Variants in TNFRSF11A observed in about 807,000 individuals in gnomAD.
TNFRSF11A encodes the protein TNF receptor superfamily member 11a, also known as tumor necrosis factor receptor superfamily member 11A.
A neutral mutation model predicts 55.7 loss-of-function variants in TNFRSF11A; 32 were observed. The ratio of observed to expected loss-of-function variants is 0.57; its 90% CI spans 0.43 to 0.77. The LOEUF (loss-of-function observed/expected upper bound fraction) is 0.77. TNFRSF11A is among the 30% of genes least tolerant of loss of function. The pLI is 0.00. For synonymous variants in TNFRSF11A, 311 were observed against 331.0 expected (o/e 0.94, Z 0.65); for missense variants, 753 against 809.8 (o/e 0.93, Z 0.85).
chr18:62,366,288 G>T (rs567160682), intron 7 of TNFRSF11A, among the ~76,000 whole-genome samples: 2 of 152,210 alleles, frequency 1.3e-5, no homozygotes, highest in Non-Finnish European at 2.9e-5. Flanking sequence ...ACTTATATGT[G>T]TAGTGTTCCC....
chr18:62,331,857 C>G (rs1288457370), intron 1 of TNFRSF11A, among the ~76,000 whole-genome samples: 1 of 152,186 alleles, frequency 6.6e-6, no homozygotes, highest in Non-Finnish European at 1.5e-5. Flanking sequence ...TCTTAGACTT[C>G]CCCATACCCC....
At chr18:62,368,520 A>G (rs1051470553) in intron 8 of TNFRSF11A, among the ~76,000 whole-genome samples, 181 bp from the exon 9 acceptor site, 3 of 152,236 alleles carry the variant, frequency 2.0e-5, no homozygotes, top group African/African-American at 7.2e-5. Context: ...GTTGTATTCC[A>G]TTCTAGAGTT....
intron 9 of TNFRSF11A, among the ~76,000 whole-genome samples, chr18:62,382,521 T>G (rs1160315001): frequency 6.6e-6 from 1 of 152,202 alleles, no homozygotes; most frequent in Non-Finnish European, 1.5e-5. Flanking sequence ...TGGAGTTTTA[T>G]TATTTCCTTT....
chr18:62,368,685 GA>G lies in TNFRSF11A; in HGVS notation c.784-14del, dbSNP rs1264165669. ...CTAGGTATTAATGCCTCTGCCTTCT[GA>G]ATGTAAATCGGCAGGAGTCCTCAGG... On this transcript the variant is annotated splice_polypyrimidine_tract_variant and intron_variant, in intron 8 of 9. Transcript: ENST00000586569. 2 of 1,614,056 alleles carry G rather than the reference GA, an allele frequency of 1.2e-6. No homozygotes were observed. Among genetic ancestry groups the G allele is most frequent in the African/African-American group, 2.7e-5 (2 of 74,930 alleles).
chr18:62,380,940 C>T (rs1670419373), intron 9 of TNFRSF11A, among the ~76,000 whole-genome samples: 1 of 151,868 alleles, frequency 6.6e-6, no homozygotes, highest in Admixed American at 6.6e-5. Flanking sequence ...GTAGCTGTGA[C>T]TACAAGCGTG....
At chr18:62,378,240 G>A (rs1292738950) in intron 9 of TNFRSF11A, 1 of 152,228 alleles carries the variant, frequency 6.6e-6, no homozygotes, top group East Asian at 1.9e-4. Flanking sequence ...GTATCTATTA[G>A]ATAAGGATAT....
intron 8 of TNFRSF11A, 103 bp from the exon 9 acceptor site, chr18:62,368,598 G>A (rs1568489695): frequency 8.3e-7 from 1 of 1,204,244 alleles, no homozygotes; most frequent in African/African-American, 1.5e-5. Context: ...ACTTGTTATG[G>A]TGGAAATAAT....
At chr18:62,357,880 A>G (rs1909378929) in intron 4 of TNFRSF11A, 1 of 298,962 alleles carries the variant, frequency 3.3e-6, no homozygotes, top group South Asian at 3.5e-5. Flanking sequence ...AGCAGTCAAC[A>G]TCGGCTCCCA....
At chr18:62,366,186 C>T (rs1910073561) in intron 7 of TNFRSF11A, among the ~76,000 whole-genome samples, 1 of 152,180 alleles carries the variant, frequency 6.6e-6, no homozygotes. Flanking sequence ...CACTGAAAGA[C>T]TTGCGGTGGA....
intron 9 of TNFRSF11A, among the ~76,000 whole-genome samples, chr18:62,372,420 G>A (rs1910615354): frequency 6.6e-6 from 1 of 151,764 alleles, no homozygotes; most frequent in Non-Finnish European, 1.5e-5. Context: ...CTTGGTTTTG[G>A]CTCCTGAAGC....
intron 9 of TNFRSF11A, among the ~76,000 whole-genome samples, chr18:62,370,485 T>C (rs780903352): frequency 8.5e-5 from 13 of 152,230 alleles, no homozygotes; most frequent in Non-Finnish European, 1.6e-4. Flanking sequence ...CAAGTGGTGC[T>C]AGCAGCCGGT....
chr18:62,350,450 G>A (rs543628561), intron 3 of TNFRSF11A, among the ~76,000 whole-genome samples: 261 of 152,074 alleles, frequency 1.7e-3, no homozygotes, highest in Middle Eastern at 3.4e-3. Flanking sequence ...CCCCCACCAC[G>A]CCCAGCTAAT....
chr18:62,338,522 G>A (rs1035379193), intron 1 of TNFRSF11A, among the ~76,000 whole-genome samples: 1 of 152,190 alleles, frequency 6.6e-6, no homozygotes, highest in Admixed American at 6.5e-5. Flanking sequence ...AATACAATAT[G>A]GATGAACCTT....
intron 7 of TNFRSF11A, among the ~76,000 whole-genome samples, chr18:62,365,605 C>G (rs969635831): frequency 6.6e-6 from 1 of 152,102 alleles, no homozygotes; most frequent in Non-Finnish European, 1.5e-5. Context: ...TCTATGATGT[C>G]TAACTTAGTC....
At chr18:62,341,207 A>G (rs1490379689) in intron 1 of TNFRSF11A, among the ~76,000 whole-genome samples, 1 of 152,226 alleles carries the variant, frequency 6.6e-6, no homozygotes, top group Admixed American at 6.5e-5. Context: ...CTGAACCCCC[A>G]GACAGAAAAG....
At position 62,333,538 on chromosome 18, in the gene TNFRSF11A, A is replaced by T. The variant is rs1225213506; in HGVS notation, c.75+8111A>T. ...GCCAGGCATGTACTTTACACGGATT[A>T]TATCTAATGCTCACTCCACCTTGCT... On this transcript the variant is annotated intron_variant, in intron 1 of 9. Coordinates refer to ENST00000586569, the MANE Select transcript of TNFRSF11A (RefSeq NM_003839.4). 4.6e-5 allele frequency among the ~76,000 whole-genome samples: 7 copies of T among 152,302 alleles called. No individual in the cohort carries two copies. The South Asian group carries it at 1.2e-3, about 27-fold the overall frequency.
chr18:62,325,473 T>G lies in TNFRSF11A; in HGVS notation c.75+46T>G. On this transcript the variant is annotated intron_variant, in intron 1 of 9. Transcript: ENST00000586569. The surrounding 1 kb of genome is among the most constrained non-coding windows in gnomAD (Gnocchi z 4.7). ...CCGGGCCGCGCGGCCCGACGCCTCC[T>G]CGGGAGCCCCGGGAAGGGCCGGGGC... 1 of 1,172,170 alleles carries G rather than the reference T, an allele frequency of 8.5e-7. No homozygotes were observed. The highest frequency in any genetic ancestry group is 1.7e-5 in the African/African-American group (1 of 60,144). The allele number at this position is 1,172,170 out of a possible 1,614,324, so 72.6% of individuals were successfully genotyped here. A position where few individuals can be genotyped will look rare whatever the true frequency, so the allele number is the denominator to read the frequency against.
intron 1 of TNFRSF11A, among the ~76,000 whole-genome samples, chr18:62,329,550 A>G (rs2046121357): frequency 1.3e-5 from 2 of 152,176 alleles, no homozygotes; most frequent in Admixed American, 1.3e-4. Context: ...ACTGCTGGAA[A>G]CACAGTTTAA....
chr18:62,325,356 G>C lies in TNFRSF11A; in HGVS notation c.4G>C (p.Ala2Pro). Reference sequence around the variant, plus strand: ...GCCCGCCAGCCTGTCCCGCGCCATGGCCCCGCGCGCCCGGCGGCGCCGCCC... The same window carrying C: ...GCCCGCCAGCCTGTCCCGCGCCATGCCCCCGCGCGCCCGGCGGCGCCGCCC... M[A>P]PRARRRRPLF... Residue 2 changes from alanine to proline, a missense_variant, in exon 1 of 10, where the codon GCC becomes CCC. By Grantham distance (27) the Ala-to-Pro change is conservative. Around this residue, in one of 3 missense-constraint regions of TNFRSF11A, gnomAD observed 156 missense variants for 155.1 expected, o/e 1.01. Coordinates refer to ENST00000586569, the MANE Select transcript of TNFRSF11A (RefSeq NM_003839.4). This position sits in a 1 kb window ranked among gnomAD's most constrained non-coding sequence, Gnocchi z 4.7. The C allele has an allele frequency of 9.8e-7, 1 of 1,023,916 alleles. No individual in the cohort carries two copies. The highest frequency in any genetic ancestry group is 1.2e-6 in the Non-Finnish European group (1 of 858,944). 63.4% of individuals were successfully genotyped at this position (1,023,916 alleles called of 1,614,324 possible).
Sources: gnomAD v4.1 joint callset for allele counts (sites outside exome capture counted in the v4.1 genomes callset) on GRCh38, gnomAD v4.1.1 for gene constraint, gnomAD v4.1.1 regional missense constraint, Gnocchi (gnomAD v3.1) non-coding constraint, MANE v1.5 for transcripts, NCBI Gene and HGNC (gene_info 2026-07-23, HGNC 2026-07-21) for gene names.